Variants in CLVS1 observed in about 807,000 individuals in gnomAD.
CLVS1 encodes the protein clavesin 1, also known as clavesin-1.
A neutral mutation model predicts 33.1 loss-of-function variants in CLVS1; 10 were observed. That is an observed-to-expected ratio of 0.30 (90% CI 0.19 to 0.51). CLVS1 has a LOEUF of 0.51. Ranked by LOEUF, CLVS1 falls within the 20% of genes least tolerant of loss-of-function variation. CLVS1 has a pLI of 0.97. For synonymous variants in CLVS1, 163 were observed against 166.1 expected (o/e 0.98, Z 0.14); for missense variants, 343 against 433.4 (o/e 0.79, Z 1.85).
intron 2 of CLVS1, among the ~76,000 whole-genome samples, chr8:61,361,837 T>C (rs563349781): frequency 3.3e-4 from 50 of 152,266 alleles, no homozygotes; most frequent in African/African-American, 1.2e-3. Context: ...AAAATGACAG[T>C]AAAGACTTTG....
intron 2 of CLVS1, among the ~76,000 whole-genome samples, chr8:61,335,656 A>G (rs771061797): frequency 2.6e-5 from 4 of 152,370 alleles, no homozygotes; most frequent in Middle Eastern, 3.4e-3. Flanking sequence ...AAAAATCTAG[A>G]TGACATATAA....
At chr8:61,143,981 A>G (rs1806365508) in intron 2 of CLVS1, among the ~76,000 whole-genome samples, 1 of 151,188 alleles carries the variant, frequency 6.6e-6, no homozygotes, top group Non-Finnish European at 1.5e-5. Flanking sequence ...GAATTACCTA[A>G]ACTAGATGAG....
At chr8:61,408,596 A>C (rs982993918) in intron 3 of CLVS1, among the ~76,000 whole-genome samples, 1 of 152,204 alleles carries the variant, frequency 6.6e-6, no homozygotes, top group Admixed American at 6.5e-5. Flanking sequence ...AGGAGTTCTT[A>C]TATTTTACAT....
rs568681831 is a variant in CLVS1, at chr8:61,254,031, T to C, written c.-151-45646T>C. Among the ~76,000 whole-genome samples the C allele has an allele frequency of 1.2e-4, 18 of 152,330 alleles. No individual in the cohort carries two copies. The South Asian group carries it at 3.5e-3, about 30-fold the overall frequency. ...GAATTTTCAGTTTTTCTGCTTTGTTTTTTCCCCATCTTTGTGGTTTTATCT... is the reference window on the plus strand; with the variant it reads ...GAATTTTCAGTTTTTCTGCTTTGTTCTTTCCCCATCTTTGTGGTTTTATCT... On this transcript the variant is annotated intron_variant, in intron 2 of 2. Transcript: ENST00000522621.
At chr8:61,347,663 TATATATATATATATATATATC>T in intron 2 of CLVS1, among the ~76,000 whole-genome samples, 4 of 100,696 alleles carry the variant, frequency 4.0e-5, no homozygotes, top group Non-Finnish European at 6.5e-5. Context: ...TATATATATA[TATATATATATATATATATATC>T]CTGAAGTATA....
chr8:61,308,125 A>G (rs796303121), intron 2 of CLVS1, among the ~76,000 whole-genome samples: 25 of 152,358 alleles, frequency 1.6e-4, no homozygotes, highest in African/African-American at 6.0e-4. Context: ...TACTGCACAT[A>G]TATAGACTCT....
At chr8:61,492,519 T>C (rs1045001594) in intron 5 of CLVS1, among the ~76,000 whole-genome samples, 1 of 152,094 alleles carries the variant, frequency 6.6e-6, no homozygotes, top group East Asian at 1.9e-4. Flanking sequence ...TGCACATGTT[T>C]TTTTGGGGGG....
chr8:61,013,671 C>T, the CLVS1 span, among the ~76,000 whole-genome samples: 73 of 152,288 alleles, frequency 4.8e-4, no homozygotes, highest in African/African-American at 1.4e-3. Context: ...CAAATCTGCA[C>T]GTGTCAGCTC....
At chr8:61,003,539 A>T in the CLVS1 span, among the ~76,000 whole-genome samples, 1 of 152,176 alleles carries the variant, frequency 6.6e-6, no homozygotes, top group African/African-American at 2.4e-5. Flanking sequence ...GATAACTGGC[A>T]ATGACTCAGT....
rs141988442 is a variant in CLVS1 at position 61,439,334 on chromosome 8, T to C, written c.631-14807T>C. The stretch of plus-strand genomic sequence containing the variant: ...TATTTTGTACTAACCATAATGTATT[T>C]GGTATTTAATAGTCAAACATAAACC... On this transcript the variant is annotated intron_variant, in intron 3 of 5. Transcript: ENST00000325897. 2.5e-4 allele frequency among the ~76,000 whole-genome samples: 38 copies of C among 152,364 alleles called. No individual in the cohort carries two copies. In the East Asian group the frequency reaches 6.0e-3, roughly 24 times the overall value.
the CLVS1 span, among the ~76,000 whole-genome samples, chr8:60,993,964 C>A: frequency 2.4e-3 from 358 of 152,322 alleles, 2 homozygotes; most frequent in African/African-American, 8.3e-3. Flanking sequence ...GTCATGGAGC[C>A]TTTCTGTCCT....
At chr8:61,343,625 A>C (rs1450810835) in intron 2 of CLVS1, among the ~76,000 whole-genome samples, 2 of 152,192 alleles carry the variant, frequency 1.3e-5, no homozygotes, top group African/African-American at 4.8e-5. Context: ...AGACACAAAA[A>C]TGTTAGCCTA....
chr8:61,394,489 T>C (rs973601831), intron 3 of CLVS1, among the ~76,000 whole-genome samples: 6 of 152,050 alleles, frequency 3.9e-5, no homozygotes, highest in African/African-American at 1.4e-4. Context: ...CAGACTCTCC[T>C]GGGGTGGGGC....
At chr8:61,189,393 C>A (rs1024329985) in intron 2 of CLVS1, among the ~76,000 whole-genome samples, 3 of 152,160 alleles carry the variant, frequency 2.0e-5, no homozygotes, top group African/African-American at 4.8e-5. Context: ...TGGAAAGGAA[C>A]AACCGGTACC....
chr8:61,086,362 T>G (rs1409489563), intron 1 of CLVS1, among the ~76,000 whole-genome samples: 1 of 152,154 alleles, frequency 6.6e-6, no homozygotes, highest in Admixed American at 6.5e-5. Context: ...GTTGCCAGAT[T>G]TAGCAAATAA....
At chr8:61,347,603 A>T (rs2129598682) in intron 2 of CLVS1, among the ~76,000 whole-genome samples, 1 of 123,868 alleles carries the variant, frequency 8.1e-6, no homozygotes, top group East Asian at 2.5e-4. Flanking sequence ...TGTTTATTTT[A>T]TTAGCTCAAT....
intron 2 of CLVS1, among the ~76,000 whole-genome samples, chr8:61,142,006 GCA>G (rs1207433658): frequency 1.3e-5 from 2 of 152,166 alleles, no homozygotes; most frequent in Non-Finnish European, 2.9e-5. Context: ...TTCTTATACA[GCA>G]CAGTTTTTCT....
chr8:61,212,000 TG>T (rs1310424362), intron 2 of CLVS1, among the ~76,000 whole-genome samples: 1 of 152,170 alleles, frequency 6.6e-6, no homozygotes, highest in Non-Finnish European at 1.5e-5. Flanking sequence ...CTCGATCCTC[TG>T]GGGGGAGTAT....
intron 5 of CLVS1, among the ~76,000 whole-genome samples, chr8:61,481,444 C>T (rs1470600341): frequency 6.6e-6 from 1 of 152,172 alleles, no homozygotes; most frequent in East Asian, 1.9e-4. Context: ...ATTCCCTTTC[C>T]CAGCAAAGGG....
Sources: allele counts gnomAD v4.1 joint callset (sites outside exome capture counted in the v4.1 genomes callset), GRCh38; gene constraint gnomAD v4.1.1; transcripts MANE v1.5; gene names NCBI Gene and HGNC (gene_info 2026-07-23, HGNC 2026-07-21).